CHST9: variants seen among roughly 807,000 people sequenced by gnomAD.
CHST9 encodes carbohydrate sulfotransferase 9, also known as GalNAc-4-sulfotransferase 2.
A neutral mutation model predicts 44.4 loss-of-function variants in CHST9; 41 were observed. That is an observed-to-expected ratio of 0.92 (90% confidence interval 0.72 to 1.20). The LOEUF is 1.20. Ranked by LOEUF, CHST9 falls within the 50% of genes most tolerant of loss-of-function variation. CHST9 has a pLI of 0.00. For synonymous variants in CHST9, 171 were observed against 178.4 expected, an observed-to-expected ratio of 0.96 and a Z score of 0.33; for missense variants, 504 against 516.5, an observed-to-expected ratio of 0.98 and a Z score of 0.23.
intron 3 of CHST9, among the ~76,000 whole-genome samples, chr18:27,032,782 T>C (rs1157429568): frequency 1.3e-5 from 2 of 152,180 alleles, no homozygotes; most frequent in Non-Finnish European, 2.9e-5. Flanking sequence ...ATAAAAAGAT[T>C]ATTATCTCCA....
At chr18:26,978,074 T>G (rs1346267924) in intron 4 of CHST9, among the ~76,000 whole-genome samples, 1 of 150,242 alleles carries the variant, frequency 6.7e-6, no homozygotes, top group African/African-American at 2.4e-5. Context: ...CAAAGACATC[T>G]GCTCTTTTCC....
At chr18:27,038,064 TA>T (rs1055036076) in intron 3 of CHST9, among the ~76,000 whole-genome samples, 10 of 152,312 alleles carry the variant, frequency 6.6e-5, no homozygotes, top group African/African-American at 2.2e-4. Flanking sequence ...AAGTGTTATT[TA>T]AAGACTTCTG....
intron 4 of CHST9, among the ~76,000 whole-genome samples, chr18:27,001,495 A>G (rs2056952858): frequency 6.6e-6 from 1 of 152,190 alleles, no homozygotes; most frequent in Non-Finnish European, 1.5e-5. Flanking sequence ...TCTTAAGACA[A>G]GCTGAGATTT....
intron 1 of CHST9, among the ~76,000 whole-genome samples, chr18:27,177,316 G>A (rs908864796): frequency 2.0e-5 from 3 of 151,692 alleles, no homozygotes; most frequent in African/African-American, 7.3e-5. Flanking sequence ...TTAAAACTGT[G>A]CCTATTTAAT....
intron 4 of CHST9, among the ~76,000 whole-genome samples, chr18:26,985,317 A>G (rs2056741411): frequency 1.3e-5 from 2 of 152,230 alleles, no homozygotes; most frequent in Admixed American, 6.5e-5. Flanking sequence ...TCTGATCAAG[A>G]TGGAATAACT....
intron 2 of CHST9, among the ~76,000 whole-genome samples, chr18:27,111,430 G>C (rs1247804275): frequency 1.3e-5 from 2 of 152,192 alleles, no homozygotes; most frequent in African/African-American, 4.8e-5. Flanking sequence ...GTTGAGTCTT[G>C]AAGCTTTAGA....
Position 26,912,359 on chromosome 18 carries a change from A to C in CHST9, c.*3900T>G, listed in dbSNP as rs2055451159. 1 of 142,798 alleles carries C rather than the reference A, an allele frequency of 7.0e-6. No individual in the cohort carries two copies. The highest frequency in any genetic ancestry group is 2.7e-5 in the African/African-American group (1 of 37,080). 8.8% of individuals were successfully genotyped at this position (142,798 alleles called of 1,614,324 possible). A position where few individuals can be genotyped will look rare whatever the true frequency, so the allele number is the denominator to read the frequency against. On this transcript the variant is annotated 3_prime_UTR_variant, in exon 6 of 6. Transcript: ENST00000618847. ...GAAATAAGCTGATTTGAAATGTGAT[A>C]ACTAACTAGCTAAATACACACACAC...
intron 1 of CHST9, among the ~76,000 whole-genome samples, chr18:27,160,383 G>C (rs562855827): frequency 6.6e-6 from 1 of 152,130 alleles, no homozygotes; most frequent in East Asian, 1.9e-4. Context: ...GGTTTTTGTT[G>C]TTGGTTCTGT....
At chr18:27,159,468 ATC>A (rs1248340561) in intron 1 of CHST9, among the ~76,000 whole-genome samples, 2 of 152,042 alleles carry the variant, frequency 1.3e-5, no homozygotes, top group Non-Finnish European at 2.9e-5. Context: ...ATTGGTCTAT[ATC>A]TCTGTTTTGG....
chr18:26,950,020 A>C (rs2056222341), intron 4 of CHST9, among the ~76,000 whole-genome samples: 1 of 152,078 alleles, frequency 6.6e-6, no homozygotes, highest in Non-Finnish European at 1.5e-5. Context: ...GCCCATCTGA[A>C]CTCTGACCTT....
intron 4 of CHST9, among the ~76,000 whole-genome samples, chr18:26,954,071 C>T (rs1231588816): frequency 6.6e-6 from 1 of 152,124 alleles, no homozygotes; most frequent in Non-Finnish European, 1.5e-5. Context: ...TCACATCCCC[C>T]TCTTTTCACC....
intron 1 of CHST9, among the ~76,000 whole-genome samples, chr18:27,160,291 C>A (rs1342724737): frequency 6.6e-6 from 1 of 152,200 alleles, no homozygotes; most frequent in East Asian, 1.9e-4. Flanking sequence ...CCCATCAATA[C>A]CTAATTTATT....
intron 2 of CHST9, among the ~76,000 whole-genome samples, chr18:27,109,867 C>T (rs1031353448): frequency 6.6e-6 from 1 of 152,060 alleles, no homozygotes; most frequent in African/African-American, 2.4e-5. Flanking sequence ...GGCAGTCAGA[C>T]CCTGAGTCCT....
chr18:27,074,999 C>T, intron 2 of CHST9, among the ~76,000 whole-genome samples: 1 of 144,564 alleles, frequency 6.9e-6, no homozygotes, highest in East Asian at 2.2e-4. Context: ...AAATGTTTTT[C>T]CACTATGTTT....
chr18:27,151,999 A>C (rs9948516), intron 1 of CHST9, among the ~76,000 whole-genome samples: 1,719 of 152,290 alleles, frequency 0.011, 28 homozygotes, highest in African/African-American at 0.036. Context: ...GAATGGGTAA[A>C]ATCCTTCTGG....
rs956131514 is a variant in CHST9 at position 27,118,351 on chromosome 18, T to A, written c.121+24338A>T. On this transcript the variant is annotated intron_variant, in intron 2 of 5. Transcript: ENST00000618847. Reference sequence around the variant, plus strand: ...TCCAGTCTGTGGCTGGTCTTCTCAATCTCATGACATTGTCTTATGCAGAAC... The same window carrying A: ...TCCAGTCTGTGGCTGGTCTTCTCAAACTCATGACATTGTCTTATGCAGAAC... 4.6e-5 allele frequency among the ~76,000 whole-genome samples: 7 copies of A among 152,236 alleles called. 1 individual carries two copies. Among genetic ancestry groups the A allele is most frequent in the Non-Finnish European group, 8.8e-5 (6 of 68,042 alleles).
intron 1 of CHST9, among the ~76,000 whole-genome samples, chr18:27,158,522 G>A (rs553433437): frequency 6.6e-5 from 10 of 151,306 alleles, no homozygotes; most frequent in African/African-American, 2.2e-4. Context: ...CATTTGGGTT[G>A]GTTCCAAGTC....
At chr18:26,924,738 T>C (rs2055731232) in intron 5 of CHST9, 1 of 157,556 alleles carries the variant, frequency 6.3e-6, no homozygotes, top group Non-Finnish European at 1.4e-5. Flanking sequence ...CCACAGCTAC[T>C]CCTCTTAAAT....
At chr18:27,161,867 CTTCT>C (rs1169254064) in intron 1 of CHST9, among the ~76,000 whole-genome samples, 7 of 151,838 alleles carry the variant, frequency 4.6e-5, no homozygotes, top group Non-Finnish European at 8.8e-5. Flanking sequence ...ATGTAATGGC[CTTCT>C]TTGTCTCTTT....
Sources: allele counts gnomAD v4.1 joint callset (sites outside exome capture counted in the v4.1 genomes callset), GRCh38; gene constraint gnomAD v4.1.1; transcripts MANE v1.5; gene names NCBI Gene and HGNC (gene_info 2026-07-23, HGNC 2026-07-21).